The following LMO7 variants were observed in gnomAD, a reference collection of about 807,000 sequenced individuals.
The protein encoded by LMO7 is LIM domain 7.
In LMO7, 120 loss-of-function variants were observed where a neutral mutation model predicts 206.5. The observed-to-expected ratio is 0.58, with a 90% confidence interval of 0.50 to 0.68. The LOEUF is 0.68. Among genes scored for constraint, LMO7 ranks in the 30% least tolerant of loss-of-function variants. The probability of loss-of-function intolerance (pLI) is 0.00; values close to 1 mark genes in which losing one functional copy is unlikely to be tolerated. For missense variants in LMO7, 1,959 were observed against 1,957.9 expected (o/e 1.00, Z -0.01); for synonymous variants, 706 against 681.5 (o/e 1.04, Z -0.56).
Position 75,823,650 on chromosome 13 carries a change from C to G in LMO7, c.2726C>G (p.Pro909Arg), listed in dbSNP as rs182855308. The change falls in exon 15 of 31, where the codon CCG (proline) becomes CGG (arginine). Residue 909 changes from proline to arginine, a missense_variant. Coordinates refer to ENST00000377534, the MANE Select transcript of LMO7 (RefSeq NM_001306080.2). ...GTGGTCAGCACCCCTGCACCAAGCC[C>G]GGACGCAAGCCAACTGGCTTCAAGC... Reference protein sequence around the residue: ...NNVVSTPAPSPDASQLASSLS... With the variant: ...NNVVSTPAPSRDASQLASSLS... 1 of 1,613,984 alleles carries G rather than the reference C, an allele frequency of 6.2e-7. No homozygotes were observed. Among genetic ancestry groups the G allele is most frequent in the African/African-American group, 1.3e-5 (1 of 74,902 alleles).
At chr13:75,856,411 A>G in intron 29 of LMO7, 95 bp from the exon 30 acceptor site, 1 of 730,488 alleles carries the variant, frequency 1.4e-6, no homozygotes, top group South Asian at 1.5e-5. Context: ...AGAGCTTAGA[A>G]GTAGCATTCT....
chr13:75,698,602 GTT>G (rs572194746), intron 1 of LMO7, among the ~76,000 whole-genome samples: 8 of 134,988 alleles, frequency 5.9e-5, no homozygotes, highest in Admixed American at 1.5e-4. Flanking sequence ...ATATATTTAA[GTT>G]TTTTTTTTTT....
chr13:75,627,045 A>C (rs541070163), intron 2 of LMO7: 1 of 152,298 alleles, frequency 6.6e-6, no homozygotes, highest in African/African-American at 2.4e-5. Flanking sequence ...GGAAGTATAA[A>C]TTTCCTCTAA....
At chr13:75,715,768 C>G (rs1486310845) in intron 2 of LMO7, among the ~76,000 whole-genome samples, 1 of 152,168 alleles carries the variant, frequency 6.6e-6, no homozygotes, top group African/African-American at 2.4e-5. Context: ...GAAAGCCTGG[C>G]TGGTTGCACT....
intron 11 of LMO7, among the ~76,000 whole-genome samples, chr13:75,812,067 C>A (rs2056460394): frequency 6.6e-6 from 1 of 152,110 alleles, no homozygotes; most frequent in Admixed American, 6.5e-5. Flanking sequence ...AGACATTTGG[C>A]AATGTCTGGA....
chr13:75,709,624 T>A (rs1206084247), intron 1 of LMO7, among the ~76,000 whole-genome samples: 1 of 152,238 alleles, frequency 6.6e-6, no homozygotes, highest in Non-Finnish European at 1.5e-5. Flanking sequence ...TCATATCCTT[T>A]GCCCACTTTT....
chr13:75,698,498 C>T (rs2042049010), intron 1 of LMO7, among the ~76,000 whole-genome samples: 1 of 151,854 alleles, frequency 6.6e-6, no homozygotes, highest in Non-Finnish European at 1.5e-5. Context: ...CTATGTTGCT[C>T]AGGCTGATCT....
upstream of LMO7, among the ~76,000 whole-genome samples, chr13:75,635,249 G>A (rs1226806460): frequency 1.3e-5 from 2 of 152,164 alleles, no homozygotes; most frequent in African/African-American, 4.8e-5. Flanking sequence ...CGTTTCAGCA[G>A]AGTAAGAACC....
At chr13:75,729,549 A>C (rs1341829414) in intron 3 of LMO7, among the ~76,000 whole-genome samples, 1,656 of 151,068 alleles carry the variant, frequency 0.011, 16 homozygotes, top group African/African-American at 0.039. Flanking sequence ...GGGTTTTCTA[A>C]ATATACAATC....
intron 1 of LMO7, among the ~76,000 whole-genome samples, chr13:75,698,215 A>G (rs2042031319): frequency 6.6e-6 from 1 of 152,198 alleles, no homozygotes; most frequent in Non-Finnish European, 1.5e-5. Context: ...ATATTTCTGG[A>G]TATAAAGTAG....
chr13:75,809,487 A>G (rs983277456), intron 11 of LMO7, among the ~76,000 whole-genome samples: 1 of 152,204 alleles, frequency 6.6e-6, no homozygotes, highest in Non-Finnish European at 1.5e-5. Context: ...GATTAGGTAT[A>G]TGTATTTTGG....
chr13:75,809,850 G>A (rs1410451112), intron 11 of LMO7, among the ~76,000 whole-genome samples: 1 of 31,026 alleles, frequency 3.2e-5, no homozygotes. Flanking sequence ...TTTTTTTTTT[G>A]AGATGGAGTC....
chr13:75,633,204 T>C (rs1040977791), upstream of LMO7, among the ~76,000 whole-genome samples: 1 of 152,170 alleles, frequency 6.6e-6, no homozygotes, highest in African/African-American at 2.4e-5. Context: ...GAGAAATATC[T>C]TTCCATTTTC....
chr13:75,683,083 TG>T (rs1244394624), intron 1 of LMO7, among the ~76,000 whole-genome samples: 1 of 150,680 alleles, frequency 6.6e-6, no homozygotes, highest in African/African-American at 2.4e-5. Flanking sequence ...TTTTTTGAGA[TG>T]GAGTTCTGCT....
intron 1 of LMO7, among the ~76,000 whole-genome samples, chr13:75,662,815 A>G (rs2139279997): frequency 6.6e-6 from 1 of 152,332 alleles, no homozygotes; most frequent in Admixed American, 6.5e-5. Context: ...TTAACTGTGA[A>G]GGAGGACTGT....
intron 6 of LMO7, among the ~76,000 whole-genome samples, chr13:75,798,869 A>T (rs1212970028): frequency 6.6e-6 from 1 of 152,254 alleles, no homozygotes; most frequent in Non-Finnish European, 1.5e-5. Flanking sequence ...AGTGGCTGTC[A>T]TCAATAACTT....
intron 1 of LMO7, among the ~76,000 whole-genome samples, chr13:75,677,908 T>A (rs1215570018): frequency 5.9e-5 from 9 of 151,280 alleles, no homozygotes; most frequent in Non-Finnish European, 1.2e-4. Context: ...TTTTTTGTCC[T>A]TGCGATAGTT....
chr13:75,745,801 A>G (rs1426897277), intron 3 of LMO7, among the ~76,000 whole-genome samples: 6 of 152,170 alleles, frequency 3.9e-5, no homozygotes, highest in African/African-American at 1.4e-4. Flanking sequence ...GGCTTTTCTT[A>G]AGTATAGAGC....
At chr13:75,731,808 C>G (rs1476523340) in intron 3 of LMO7, among the ~76,000 whole-genome samples, 1 of 151,736 alleles carries the variant, frequency 6.6e-6, no homozygotes, top group Non-Finnish European at 1.5e-5. Flanking sequence ...TTCAGGAGCT[C>G]TTTTAGGGCA....
Sources: gnomAD v4.1 joint callset for allele counts (sites outside exome capture counted in the v4.1 genomes callset) on GRCh38, gnomAD v4.1.1 for gene constraint, MANE v1.5 for transcripts, NCBI Gene and HGNC (gene_info 2026-07-23, HGNC 2026-07-21) for gene names.